WWTR1: variants seen among roughly 807,000 people sequenced by gnomAD.
WWTR1 encodes the protein WW domain containing transcription regulator 1, also known as WW domain-containing transcription regulator protein 1.
WWTR1 carries 13 observed loss-of-function variants against 40.1 expected under a neutral mutation model. The ratio of observed to expected loss-of-function variants is 0.32; its 90% confidence interval spans 0.21 to 0.52. The LOEUF is 0.52. WWTR1 is among the 20% of genes least tolerant of loss of function. The pLI is 0.97. For synonymous variants in WWTR1, 230 were observed against 210.1 expected (o/e 1.09, Z -0.82); for missense variants, 436 against 523.1 (o/e 0.83, Z 1.63).
chr3:149,690,397 C>T (rs1714785069), intron 1 of WWTR1, among the ~76,000 whole-genome samples: 1 of 151,654 alleles, frequency 6.6e-6, no homozygotes, highest in African/African-American at 2.4e-5. Flanking sequence ...TAAAGACACA[C>T]ATAGACTAAA....
At chr3:149,653,917 C>A (rs752751347) in intron 2 of WWTR1, among the ~76,000 whole-genome samples, 1 of 152,128 alleles carries the variant, frequency 6.6e-6, no homozygotes, top group Non-Finnish European at 1.5e-5. Context: ...CCTTGTCATT[C>A]TAAAATCCTT....
chr3:149,561,592 T>C (rs1737080176), intron 3 of WWTR1, among the ~76,000 whole-genome samples: 1 of 152,232 alleles, frequency 6.6e-6, no homozygotes, highest in Admixed American at 6.5e-5. Context: ...TGTCCAAGGC[T>C]GCACACTGTG....
chr3:149,634,169 A>G (rs879794574), intron 2 of WWTR1, among the ~76,000 whole-genome samples: 1 of 152,238 alleles, frequency 6.6e-6, no homozygotes, highest in Admixed American at 6.5e-5. Context: ...AAGGAGAGCC[A>G]GGGTGGCTCT....
At chr3:149,611,665 T>C (rs1739743785) in intron 2 of WWTR1, among the ~76,000 whole-genome samples, 1 of 152,196 alleles carries the variant, frequency 6.6e-6, no homozygotes, top group Admixed American at 6.5e-5. Flanking sequence ...ATGAAAGGAC[T>C]GAATTTGAAT....
chr3:149,595,488 ATTTGC>A (rs1738956302), intron 2 of WWTR1, among the ~76,000 whole-genome samples: 1 of 152,132 alleles, frequency 6.6e-6, no homozygotes, highest in African/African-American at 2.4e-5. Context: ...CATATATTTT[ATTTGC>A]TTGAAAATAC....
At chr3:149,678,522 G>T (rs1714347760) in intron 1 of WWTR1, among the ~76,000 whole-genome samples, 1 of 152,138 alleles carries the variant, frequency 6.6e-6, no homozygotes, top group Non-Finnish European at 1.5e-5. Flanking sequence ...TACCTACTCT[G>T]CAGGGACCAC....
At chr3:149,603,745 T>A (rs1739359744) in intron 2 of WWTR1, among the ~76,000 whole-genome samples, 1 of 151,202 alleles carries the variant, frequency 6.6e-6, no homozygotes, top group Non-Finnish European at 1.5e-5. Context: ...TTTGTTCATG[T>A]CCTTAGTAAC....
intron 6 of WWTR1, among the ~76,000 whole-genome samples, chr3:149,523,093 C>T (rs1453780429): frequency 6.6e-6 from 1 of 151,388 alleles, no homozygotes; most frequent in African/African-American, 2.4e-5. Context: ...TTACTCTTAT[C>T]CTTTCTTCTC....
At chr3:149,559,146 T>C (rs1048715483) in intron 3 of WWTR1, among the ~76,000 whole-genome samples, 1 of 151,620 alleles carries the variant, frequency 6.6e-6, no homozygotes, top group Admixed American at 6.6e-5. Context: ...ATACAAAAAT[T>C]TGCCAGGCGT....
chr3:149,561,793 G>A (rs771450649), intron 3 of WWTR1, among the ~76,000 whole-genome samples: 14 of 152,186 alleles, frequency 9.2e-5, no homozygotes, highest in Non-Finnish European at 2.1e-4. Context: ...TACTGTATAT[G>A]CCCAAGCATG....
chr3:149,615,877 T>C (rs1418650785), intron 2 of WWTR1, among the ~76,000 whole-genome samples: 1 of 152,214 alleles, frequency 6.6e-6, no homozygotes, highest in Admixed American at 6.5e-5. Context: ...CATGTCTGTT[T>C]CATTGTCACT....
At chr3:149,590,788 C>A (rs745791388) in intron 2 of WWTR1, among the ~76,000 whole-genome samples, 20 of 152,060 alleles carry the variant, frequency 1.3e-4, no homozygotes, top group Middle Eastern at 3.2e-3. Context: ...CCTTGTGAAC[C>A]CAAAGAGGCT....
chr3:149,529,440 T>A (rs1182291078), intron 4 of WWTR1, among the ~76,000 whole-genome samples: 1 of 152,222 alleles, frequency 6.6e-6, no homozygotes, highest in Non-Finnish European at 1.5e-5. Flanking sequence ...TGTTAACTTA[T>A]ACTGAAATAA....
intron 2 of WWTR1, among the ~76,000 whole-genome samples, chr3:149,651,892 C>T (rs981422705): frequency 2.7e-5 from 4 of 146,560 alleles, no homozygotes; most frequent in Admixed American, 7.0e-5. Flanking sequence ...TGCAGTGGCG[C>T]GATCTCGGCT....
At chr3:149,639,995 A>G (rs1403445194) in intron 2 of WWTR1, among the ~76,000 whole-genome samples, 3 of 129,798 alleles carry the variant, frequency 2.3e-5, no homozygotes, top group Admixed American at 7.1e-5. Context: ...CTCCGTCTCA[A>G]AAAAAAAAAA....
At chr3:149,655,104 C>A (rs1713125984) in intron 2 of WWTR1, among the ~76,000 whole-genome samples, 1 of 146,912 alleles carries the variant, frequency 6.8e-6, no homozygotes, top group African/African-American at 2.5e-5. Flanking sequence ...CCAGCCTGGG[C>A]GACAGAGCGA....
chr3:149,721,569 T>C (rs1715758377), intron 4 of WWTR1, among the ~76,000 whole-genome samples: 1 of 152,246 alleles, frequency 6.6e-6, no homozygotes, highest in African/African-American at 2.4e-5. Context: ...TAGTTTTCTT[T>C]TCTTGTAGAG....
intron 3 of WWTR1, among the ~76,000 whole-genome samples, chr3:149,568,545 A>AC (rs1737455012): frequency 9.0e-5 from 12 of 133,336 alleles, no homozygotes; most frequent in Non-Finnish European, 1.7e-4. Context: ...AAAAAAAAAA[A>AC]AAAAAAAAAA....
intron 2 of WWTR1, among the ~76,000 whole-genome samples, chr3:149,611,542 T>C (rs1739740830): frequency 6.6e-6 from 1 of 152,184 alleles, no homozygotes; most frequent in South Asian, 2.1e-4. Context: ...GAGAAGACTA[T>C]ATGAAAGAAC....
Sources: allele counts gnomAD v4.1 joint callset (sites outside exome capture counted in the v4.1 genomes callset), GRCh38; gene constraint gnomAD v4.1.1; transcripts MANE v1.5; gene names NCBI Gene and HGNC (gene_info 2026-07-23, HGNC 2026-07-21).